Variants in SCRN1 observed in about 807,000 individuals in gnomAD.
SCRN1 encodes secernin 1.
SCRN1 carries 19 observed loss-of-function variants against 43.3 expected under a neutral mutation model. The observed-to-expected ratio is 0.44, with a 90% confidence interval of 0.31 to 0.64. SCRN1 has a LOEUF of 0.64. Ranked by LOEUF, SCRN1 falls within the 30% of genes least tolerant of loss-of-function variation. SCRN1 has a pLI of 0.09. For synonymous variants in SCRN1, 183 were observed against 188.9 expected, an observed-to-expected ratio of 0.97 and a Z score of 0.26; for missense variants, 447 against 524.1, an observed-to-expected ratio of 0.85 and a Z score of 1.44.
intron 1 of SCRN1, among the ~76,000 whole-genome samples, chr7:29,985,899 T>C (rs1441856947): frequency 6.6e-6 from 1 of 152,232 alleles, no homozygotes; most frequent in Non-Finnish European, 1.5e-5. Context: ...AACAGCATTA[T>C]GAGCTCAGCC....
intron 1 of SCRN1, among the ~76,000 whole-genome samples, chr7:29,975,954 T>C (rs1482237540): frequency 6.6e-6 from 1 of 152,234 alleles, no homozygotes; most frequent in South Asian, 2.1e-4. Flanking sequence ...TGCATGCTAT[T>C]GGAGGAGAGG....
chr7:29,946,812 T>C (rs531947044), intron 3 of SCRN1, among the ~76,000 whole-genome samples: 2 of 152,360 alleles, frequency 1.3e-5, no homozygotes, highest in African/African-American at 2.4e-5. Context: ...AACTGCTCCA[T>C]AGTACATGGG....
In SCRN1 at chr7:29,926,474, C is replaced by A; in HGVS notation, c.1064G>T (p.Arg355Leu). The change falls in exon 7 of 8, where the codon CGT becomes CTT. Residue 355 changes from arginine (R) to leucine (L), a missense_variant. Coordinates refer to ENST00000242059, the MANE Select transcript of SCRN1 (RefSeq NM_014766.5). ...CACCTGGTCACTTTCGATGATGGCA[C>A]GTGCCCACTCGTGGGCTTTGTACAG... The part of the protein sequence containing the change: ...HELYKAHEWA[R>L]AIIESDQEQG... 2 of 1,613,350 alleles carry A rather than the reference C, an allele frequency of 1.2e-6. No individual in the cohort carries two copies. The highest frequency in any genetic ancestry group is 2.2e-5 in the East Asian group (1 of 44,880).
rs1356024941 is a variant in SCRN1 at position 29,924,085 on chromosome 7, G to A, written c.1117C>T (p.Leu373=). ...TCCAGGCCTTGCTTCTCCAGCTCCA[G>A]CATGGTGCTCCTCAGCTTGCGACCT... The part of the protein sequence containing the change: ...EQGRKLRSTM[L]ELEKQGLEAM... The change falls in exon 8 of 8, where the codon CTG becomes TTG. Residue 373 remains leucine (L), a synonymous_variant. Coordinates refer to ENST00000242059, the MANE Select transcript of SCRN1 (RefSeq NM_014766.5). The A allele has an allele frequency of 5.0e-6, 8 of 1,613,806 alleles. No homozygotes were observed. The highest frequency in any genetic ancestry group is 1.7e-5 in the Admixed American group (1 of 59,964).
At position 29,922,308 on chromosome 7, in the gene SCRN1, G is replaced by C. The variant is rs1786795178; in HGVS notation, c.*1649C>G. 6.6e-6 allele frequency: 1 copy of C among 152,172 alleles called. No homozygotes were observed. The highest frequency in any genetic ancestry group is 2.1e-4 in the South Asian group (1 of 4,830). 9.4% of individuals were successfully genotyped at this position (152,172 alleles called of 1,614,324 possible). On this transcript the variant is annotated 3_prime_UTR_variant, in exon 8 of 8. Transcript: ENST00000242059. ...CACTCCTATACTCACGCTCTGGAGAGTTGGTAGAAAAAAAGAATGTGTTCT... is the reference window on the plus strand; with the variant it reads ...CACTCCTATACTCACGCTCTGGAGACTTGGTAGAAAAAAAGAATGTGTTCT...
intron 1 of SCRN1, among the ~76,000 whole-genome samples, chr7:29,971,627 C>G (rs1338282917): frequency 6.9e-6 from 1 of 144,624 alleles, no homozygotes; most frequent in Non-Finnish European, 1.5e-5. Context: ...GAGTGAGACC[C>G]TGTCTCAAAA....
At position 29,921,984 on chromosome 7, in the gene SCRN1, C is replaced by G. The variant is rs1475838168; in HGVS notation, c.*1973G>C. 2 of 152,162 alleles carry G rather than the reference C, an allele frequency of 1.3e-5. No individual in the cohort carries two copies. Among genetic ancestry groups the G allele is most frequent in the Non-Finnish European group, 2.9e-5 (2 of 68,032 alleles). The allele number at this position is 152,162 out of a possible 1,614,324, so 9.4% of individuals were successfully genotyped here. ...TGTATCATCTTGCTTTACATAGCCA[C>G]TTGGAACATGGACTTGGGAGGGGAG... On this transcript the variant is annotated 3_prime_UTR_variant, in exon 8 of 8. Coordinates refer to ENST00000242059, the MANE Select transcript of SCRN1 (RefSeq NM_014766.5).
chr7:29,954,422 A>T (rs1788061108), intron 3 of SCRN1, among the ~76,000 whole-genome samples: 1 of 152,240 alleles, frequency 6.6e-6, no homozygotes, highest in Non-Finnish European at 1.5e-5. Flanking sequence ...AAAGTTGTGC[A>T]GCCATCACCA....
chr7:29,926,580 T>A lies in SCRN1; in HGVS notation c.958A>T (p.Thr320Ser). ...TCATCCCCAAAACAGGGAGACTGTGTTTTGGGGACAAGTTTTACGTCATCA... is the reference window on the plus strand; with the variant it reads ...TCATCCCCAAAACAGGGAGACTGTGATTTGGGGACAAGTTTTACGTCATCA... Reference protein sequence around the residue: ...FVDDVKLVPKTQSPCFGDDDP... With the variant: ...FVDDVKLVPKSQSPCFGDDDP... The change falls in exon 7 of 8, where the codon ACA becomes TCA. Residue 320 changes from threonine (T) to serine (S), a missense_variant. By Grantham distance (58) the Thr-to-Ser change is moderately conservative. Coordinates refer to ENST00000242059, the MANE Select transcript of SCRN1 (RefSeq NM_014766.5). 1 of 1,614,004 alleles carries A rather than the reference T, an allele frequency of 6.2e-7. No individual in the cohort carries two copies.
chr7:29,987,952 C>T (rs537220493), intron 1 of SCRN1, among the ~76,000 whole-genome samples: 39 of 152,294 alleles, frequency 2.6e-4, no homozygotes, highest in Non-Finnish European at 4.7e-4. Flanking sequence ...TCCTCTATTC[C>T]ATTATCCCTG....
chr7:29,979,223 C>T (rs796310197), intron 1 of SCRN1, among the ~76,000 whole-genome samples: 6 of 151,866 alleles, frequency 4.0e-5, no homozygotes, highest in African/African-American at 7.3e-5. Flanking sequence ...ATTAGCCAGG[C>T]GTGGTGGCAC....
intron 1 of SCRN1, among the ~76,000 whole-genome samples, chr7:29,981,507 A>T (rs919881813): frequency 4.6e-5 from 7 of 152,246 alleles, no homozygotes; most frequent in Non-Finnish European, 1.0e-4. Flanking sequence ...TAAATTAAGC[A>T]CTTGGAGATT....
At chr7:29,962,689 CATAAA>C (rs201543011) in intron 2 of SCRN1, among the ~76,000 whole-genome samples, 8 of 151,126 alleles carry the variant, frequency 5.3e-5, no homozygotes, top group Non-Finnish European at 8.8e-5. Context: ...CTGTCTCAAA[CATAAA>C]ATAAAATAAA....
intron 2 of SCRN1, among the ~76,000 whole-genome samples, chr7:29,964,824 C>A (rs1304300960): frequency 6.6e-6 from 1 of 152,090 alleles, no homozygotes; most frequent in Non-Finnish European, 1.5e-5. Flanking sequence ...CACCTGTAAT[C>A]CCAGCTACTT....
chr7:29,948,329 T>C (rs987063241), intron 3 of SCRN1, among the ~76,000 whole-genome samples: 6 of 152,208 alleles, frequency 3.9e-5, no homozygotes, highest in Non-Finnish European at 5.9e-5. Context: ...ACCTACTTCA[T>C]TGGGTTACTG....
Sources: allele counts gnomAD v4.1 joint callset (sites outside exome capture counted in the v4.1 genomes callset), GRCh38; gene constraint gnomAD v4.1.1; transcripts MANE v1.5; gene names NCBI Gene and HGNC (gene_info 2026-07-23, HGNC 2026-07-21).